The following SOD1 variants were observed in gnomAD, a reference collection of about 807,000 sequenced individuals.
SOD1 encodes the protein superoxide dismutase 1, also known as superoxide dismutase [Cu-Zn].
SOD1 carries 8 observed loss-of-function variants against 15.9 expected under a neutral mutation model. That is an observed-to-expected ratio of 0.50 (90% confidence interval 0.30 to 0.91). The LOEUF (loss-of-function observed/expected upper bound fraction) is 0.91, where lower values mean the gene tolerates loss of function less well. Among genes scored for constraint, SOD1 ranks in the 40% least tolerant of loss-of-function variants. The pLI is 0.07. For missense variants in SOD1, 137 were observed against 194.5 expected (o/e 0.70, Z 1.76); for synonymous variants, 86 against 71.2 (o/e 1.21, Z -1.04).
Position 31,667,316 on chromosome 21 carries a change from A to G in SOD1, c.298A>G (p.Ile100Val), listed in dbSNP as rs760740095. Residue 100 changes from isoleucine to valine, a missense_variant, in exon 4 of 5, where the codon ATT becomes GTT. Ile to Val is a conservative substitution (Grantham distance 29). Transcript: ENST00000270142. ...CAAAGATGGTGTGGCCGATGTGTCT[A>G]TTGAAGATTCTGTGATCTCACTCTC... ...ADKDGVADVS[I>V]EDSVISLSGD... The G allele has an allele frequency of 9.3e-6, 15 of 1,614,138 alleles. No individual in the cohort carries two copies. The highest frequency in any genetic ancestry group is 1.3e-5 in the African/African-American group (1 of 75,022).
chr21:31,668,850 T>C lies in SOD1; in HGVS notation c.*272T>C, dbSNP rs2049624234. The C allele has an allele frequency of 2.4e-6, 1 of 411,562 alleles. No homozygotes were observed. Among genetic ancestry groups the C allele is most frequent in the Non-Finnish European group, 4.5e-6 (1 of 222,438 alleles). The allele number at this position is 411,562 out of a possible 1,614,324, so 25.5% of individuals were successfully genotyped here. A position where few individuals can be genotyped will look rare whatever the true frequency, so the allele number is the denominator to read the frequency against. On this transcript the variant is annotated 3_prime_UTR_variant, in exon 5 of 5. Transcript: ENST00000270142. ...GATGGGTATTAAACTTGTCAGAATT[T>C]CTTTGTCATTCAAGCCTGTGAATAA...
At chr21:31,664,028 G>C (rs2049571906) in intron 2 of SOD1, 142 bp downstream of exon 2, 1 of 677,306 alleles carries the variant, frequency 1.5e-6, no homozygotes, top group African/African-American at 1.8e-5. Context: ...CTGGAGTGCA[G>C]TGGCGCTGTG....
chr21:31,663,837 T>TA lies in SOD1; in HGVS notation c.120_121insA (p.Glu41ArgfsTer10). 1 of 1,613,784 alleles carries TA rather than the reference T, an allele frequency of 6.2e-7. No individual in the cohort carries two copies. The highest frequency in any genetic ancestry group is 8.5e-7 in the Non-Finnish European group (1 of 1,179,704). ...TGTGGGGAAGCATTAAAGGACTGAC[T>TA]GAAGGCCTGCATGGATTCCATGTTC... On this transcript the variant is annotated frameshift_variant, in exon 2 of 5. Transcript: ENST00000270142. LOFTEE classifies it high-confidence loss of function.
rs781696162 is a variant in SOD1 at position 31,666,429 on chromosome 21, TTTC to T, written c.170-11_170-9del. ...ACTTTAATTCATAATTTAGCTTTTT[TTTC>T]TTCTTCTTATAAATAGGCTGTACCA... is the stretch of plus-strand genomic sequence containing the variant. On this transcript the variant is annotated splice_polypyrimidine_tract_variant and intron_variant, in intron 2 of 4. Coordinates refer to ENST00000270142, the MANE Select transcript of SOD1 (RefSeq NM_000454.5). 72 of 1,587,428 alleles carry T rather than the reference TTTC, an allele frequency of 4.5e-5. No individual in the cohort carries two copies. In the Middle Eastern group the frequency reaches 5.0e-4, roughly 11 times the overall value.
At chr21:31,663,921 T>C (rs1452051146) in intron 2 of SOD1, 35 bp downstream of exon 2, 1 of 1,468,556 alleles carries the variant, frequency 6.8e-7, no homozygotes, top group Non-Finnish European at 9.5e-7. Context: ...CCCATACTTG[T>C]TCACCCTAGT....
chr21:31,660,310 G>A (rs2123428654), intron 1 of SOD1: 1 of 152,540 alleles, frequency 6.6e-6, no homozygotes, highest in African/African-American at 2.4e-5. Flanking sequence ...CCCGCCTGGT[G>A]TCTTCGCATC....
intron 2 of SOD1, chr21:31,664,420 G>T: frequency 5.2e-6 from 1 of 194,148 alleles, no homozygotes; most frequent in Non-Finnish European, 1.1e-5. Flanking sequence ...AGATTGTGAA[G>T]ACTGGGGTGG....
chr21:31,664,146 A>ATT (rs1293554715), intron 2 of SOD1, among the ~76,000 whole-genome samples: 3 of 151,364 alleles, frequency 2.0e-5, no homozygotes, highest in African/African-American at 7.3e-5. Flanking sequence ...TAATTTTTGT[A>ATT]TTTTTTTCTA....
At chr21:31,665,917 C>T (rs2049588385) in intron 2 of SOD1, among the ~76,000 whole-genome samples, 1 of 151,158 alleles carries the variant, frequency 6.6e-6, no homozygotes, top group South Asian at 2.1e-4. Flanking sequence ...AGCCAAAGCC[C>T]AGAGAAGGGT....
chr21:31,665,289 T>G (rs1343451416), intron 2 of SOD1, among the ~76,000 whole-genome samples: 1 of 152,252 alleles, frequency 6.6e-6, no homozygotes, highest in East Asian at 1.9e-4. Context: ...GTTTATGAGT[T>G]AAGTTGCATT....
In SOD1 at chr21:31,667,307, G is replaced by A. The variant is rs121912459; in HGVS notation, c.289G>A (p.Asp97Asn). Residue 97 changes from aspartate (D) to asparagine (N), a missense_variant, in exon 4 of 5, where the codon GAT (aspartate) becomes AAT (asparagine). Transcript: ENST00000270142. ...NVTADKDGVA[D>N]VSIEDSVISL... The stretch of plus-strand genomic sequence containing the variant: ...GACTGCTGACAAAGATGGTGTGGCC[G>A]ATGTGTCTATTGAAGATTCTGTGAT... The A allele has an allele frequency of 9.9e-6, 16 of 1,614,090 alleles. No individual in the cohort carries two copies. The highest frequency in any genetic ancestry group is 4.4e-5 in the South Asian group (4 of 91,084).
At position 31,668,594 on chromosome 21, in the gene SOD1, T is replaced by G. The variant is rs772828451; in HGVS notation, c.*16T>G. On this transcript the variant is annotated 3_prime_UTR_variant, in exon 5 of 5. Transcript: ENST00000270142. ...CGCCCAATAAACATTCCCTTGGATG[T>G]AGTCTGAGGCCCCTTAACTCATCTG... 1.3e-6 allele frequency: 2 copies of G among 1,557,840 alleles called. No individual in the cohort carries two copies. The highest frequency in any genetic ancestry group is 3.3e-5 in the Admixed American group (2 of 59,938).
At chr21:31,667,761 C>A (rs2049609222) in intron 4 of SOD1, among the ~76,000 whole-genome samples, 1 of 152,146 alleles carries the variant, frequency 6.6e-6, no homozygotes, top group South Asian at 2.1e-4. Flanking sequence ...CATGTTCATT[C>A]AGGACTGCAG....
rs1262259919 is a variant in SOD1 at position 31,668,834 on chromosome 21, T to TA, written c.*259dup. ...CCAGACTTAAATCACAGATGGGTATTAAACTTGTCAGAATTTCTTTGTCAT... is the reference window on the plus strand; with the variant it reads ...CCAGACTTAAATCACAGATGGGTATTAAAACTTGTCAGAATTTCTTTGTCAT... On this transcript the variant is annotated 3_prime_UTR_variant, in exon 5 of 5. Coordinates refer to ENST00000270142, the MANE Select transcript of SOD1 (RefSeq NM_000454.5). 1 of 443,604 alleles carries TA rather than the reference T, an allele frequency of 2.3e-6. No homozygotes were observed. The highest frequency in any genetic ancestry group is 4.1e-6 in the Non-Finnish European group (1 of 242,278). The allele number at this position is 443,604 out of a possible 1,614,324, so 27.5% of individuals were successfully genotyped here.
At chr21:31,663,120 TTTTTC>T (rs750837385) in intron 1 of SOD1, among the ~76,000 whole-genome samples, 12 of 119,218 alleles carry the variant, frequency 1.0e-4, no homozygotes, top group African/African-American at 2.2e-4. Flanking sequence ...CCAGGGCGAC[TTTTTC>T]TTTTTTTTTT....
intron 1 of SOD1, among the ~76,000 whole-genome samples, chr21:31,663,025 G>T (rs1188529164): frequency 7.4e-6 from 1 of 134,588 alleles, no homozygotes; most frequent in Non-Finnish European, 1.6e-5. Flanking sequence ...AAAAAAAAAA[G>T]AAAAAAACTT....
chr21:31,662,797 G>A (rs995867185), intron 1 of SOD1, among the ~76,000 whole-genome samples: 3 of 152,094 alleles, frequency 2.0e-5, no homozygotes, highest in African/African-American at 7.2e-5. Flanking sequence ...GGTGGATCAC[G>A]AGGTCAGCAG....
intron 2 of SOD1, 108 bp from the exon 3 acceptor site, chr21:31,666,341 T>G: frequency 1.3e-6 from 1 of 794,020 alleles, no homozygotes; most frequent in East Asian, 2.7e-5. Flanking sequence ...GAAGTCGTGA[T>G]GCAGGTCAGC....
chr21:31,664,780 G>A (rs1448303926), intron 2 of SOD1, among the ~76,000 whole-genome samples: 1 of 152,032 alleles, frequency 6.6e-6, no homozygotes, highest in African/African-American at 2.4e-5. Flanking sequence ...CACCCCGCCT[G>A]GCTAATTTTT....
Sources: allele counts gnomAD v4.1 joint callset (sites outside exome capture counted in the v4.1 genomes callset), GRCh38; gene constraint gnomAD v4.1.1; transcripts MANE v1.5; gene names NCBI Gene and HGNC (gene_info 2026-07-23, HGNC 2026-07-21).